CEP44: variants seen among roughly 807,000 people sequenced by gnomAD.
The protein encoded by CEP44 is centrosomal protein of 44 kDa.
A neutral mutation model predicts 46.7 loss-of-function variants in CEP44; 45 were observed. The observed-to-expected ratio is 0.96, with a 90% CI of 0.76 to 1.24. The LOEUF (loss-of-function observed/expected upper bound fraction) is 1.24, where lower values mean the gene tolerates loss of function less well. Ranked by LOEUF, CEP44 falls within the 50% of genes most tolerant of loss-of-function variation. The pLI, the probability that CEP44 is intolerant of heterozygous loss-of-function variation, is 0.00. For missense variants in CEP44, 475 were observed against 459.7 expected, an observed-to-expected ratio of 1.03 and a Z score of -0.30; for synonymous variants, 142 against 146.0, an observed-to-expected ratio of 0.97 and a Z score of 0.20.
intron 11 of CEP44, 46 bp from the exon 12 acceptor site, chr4:174,317,289 A>AT (rs767006028): frequency 7.7e-6 from 6 of 775,464 alleles, no homozygotes; most frequent in Admixed American, 3.2e-5. Flanking sequence ...GCTATGCTTT[A>AT]TTATGAATTA....
chr4:174,325,906 A>G lies in CEP44; in HGVS notation c.1087-5576A>G, dbSNP rs1742631835. On this transcript the variant is annotated intron_variant, in intron 8 of 8. Transcript: ENST00000426172. This position sits in a 1 kb window ranked among gnomAD's most constrained non-coding sequence, Gnocchi z 4.4. ...CAGCTATTCCAGATTTCTCTTAGGA[A>G]GTGTTACTACAGTATTTATTTCCCA... is the stretch of plus-strand genomic sequence containing the variant. 6.6e-6 allele frequency among the ~76,000 whole-genome samples: 1 copy of G among 152,140 alleles called. No individual in the cohort carries two copies. Among genetic ancestry groups the G allele is most frequent in the Non-Finnish European group, 1.5e-5 (1 of 68,012 alleles).
intron 11 of CEP44, among the ~76,000 whole-genome samples, chr4:174,317,096 TTATAA>T (rs1351795684): frequency 6.6e-6 from 1 of 151,960 alleles, no homozygotes; most frequent in Non-Finnish European, 1.5e-5. Flanking sequence ...CTATAGAAAA[TTATAA>T]TATTATTTAG....
intron 10 of CEP44, 35 bp from the exon 11 acceptor site, chr4:174,316,495 G>T (rs1741733529): frequency 6.5e-7 from 1 of 1,542,414 alleles, no homozygotes; most frequent in East Asian, 2.3e-5. Flanking sequence ...TTTACTTTGA[G>T]AAATCATCTA....
At chr4:174,307,312 C>T (rs574286027) in intron 6 of CEP44, among the ~76,000 whole-genome samples, 2 of 152,034 alleles carry the variant, frequency 1.3e-5, no homozygotes, top group Admixed American at 6.6e-5. Context: ...AGACCACACA[C>T]CTGCAACTAT....
At chr4:174,304,196 A>G (rs1740098359) in intron 5 of CEP44, 51 bp from the exon 6 acceptor site, 1 of 1,539,706 alleles carries the variant, frequency 6.5e-7, no homozygotes, top group Non-Finnish European at 8.7e-7. Flanking sequence ...TTAATATATA[A>G]TTATGCTTTC....
In CEP44 at chr4:174,312,465, T is replaced by C. The variant is rs1741195732; in HGVS notation, c.961+1607T>C. On this transcript the variant is annotated intron_variant, in intron 9 of 11. Coordinates refer to ENST00000503780, the MANE Select transcript of CEP44 (RefSeq NM_001040157.3). The surrounding 1 kb of genome is among the most constrained non-coding windows in gnomAD (Gnocchi z 4.5). ...GCCACCACACCTGGATAATTTTTTA[T>C]TTATTTACATACTGTTTTTAGTAAA... is the stretch of plus-strand genomic sequence containing the variant. Among the ~76,000 whole-genome samples, 1 of 151,952 alleles carries C rather than the reference T, an allele frequency of 6.6e-6. No homozygotes were observed.
chr4:174,289,311 T>TA (rs1468559049), intron 1 of CEP44, among the ~76,000 whole-genome samples: 2 of 144,150 alleles, frequency 1.4e-5, no homozygotes, highest in Non-Finnish European at 3.0e-5. Flanking sequence ...TTTTTTTTTT[T>TA]AGATATGTTT....
intron 4 of CEP44, 129 bp from the exon 5 acceptor site, chr4:174,303,574 T>C: frequency 1.9e-6 from 1 of 524,052 alleles, no homozygotes; most frequent in South Asian, 3.5e-5. Context: ...TAGTACTCTT[T>C]AGTTAATGGC....
chr4:174,294,988 C>G (rs1012601582), intron 1 of CEP44, among the ~76,000 whole-genome samples: 2 of 138,838 alleles, frequency 1.4e-5, no homozygotes, highest in Non-Finnish European at 3.1e-5. Flanking sequence ...GGGCTGACCC[C>G]CCCACCTCCC....
At chr4:174,303,872 A>G in intron 5 of CEP44, 23 bp downstream of exon 5, 1 of 1,431,202 alleles carries the variant, frequency 7.0e-7, no homozygotes, top group South Asian at 1.4e-5. Flanking sequence ...ATAGATATTA[A>G]TGCTGATGTA....
Position 174,287,561 on chromosome 4 carries a change from T to G in CEP44, c.-148+3618T>G, listed in dbSNP as rs1432823612. On this transcript the variant is annotated intron_variant, in intron 1 of 11. Coordinates refer to ENST00000503780, the MANE Select transcript of CEP44 (RefSeq NM_001040157.3). The surrounding 1 kb of genome is among the most constrained non-coding windows in gnomAD (Gnocchi z 5.1). ...CAGGAACTTTATCCCAGATACCATT[T>G]CTGTTATTTGTTGCTTTCTATAATA... Among the ~76,000 whole-genome samples, 1 of 152,312 alleles carries G rather than the reference T, an allele frequency of 6.6e-6. No individual in the cohort carries two copies. Among genetic ancestry groups the G allele is most frequent in the East Asian group, 1.9e-4 (1 of 5,176 alleles).
chr4:174,320,904 G>A (rs1192129409), downstream of CEP44, among the ~76,000 whole-genome samples: 3 of 152,028 alleles, frequency 2.0e-5, no homozygotes, highest in Admixed American at 2.0e-4. Flanking sequence ...TACAGTAATC[G>A]AAGAAACATA....
chr4:174,293,962 G>A (rs576106809), intron 1 of CEP44, among the ~76,000 whole-genome samples: 1 of 151,616 alleles, frequency 6.6e-6, no homozygotes, highest in African/African-American at 2.4e-5. Context: ...TAATAAGTGT[G>A]TAGTGGTATT....
At chr4:174,296,422 C>G (rs963306160) in intron 1 of CEP44, among the ~76,000 whole-genome samples, 4 of 152,132 alleles carry the variant, frequency 2.6e-5, no homozygotes, top group Non-Finnish European at 5.9e-5. Flanking sequence ...GTTTGGTCCT[C>G]TAATTTTCTT....
Position 174,313,224 on chromosome 4 carries a change from G to A in CEP44, c.961+2366G>A, listed in dbSNP as rs537819087. Among the ~76,000 whole-genome samples, 203 of 152,234 alleles carry A rather than the reference G, an allele frequency of 1.3e-3. 1 individual carries two copies. Among genetic ancestry groups the A allele is most frequent in the African/African-American group, 4.6e-3 (192 of 41,534 alleles). ...TGTGTTGTTTCATTATGCTAATGAA[G>A]TGACCTCATGTGATGTTCTTTTTCA... On this transcript the variant is annotated intron_variant, in intron 9 of 11. Transcript: ENST00000503780.
Position 174,302,269 on chromosome 4 carries a change from T to C in CEP44, c.237+83T>C, listed in dbSNP as rs1287452955. On this transcript the variant is annotated intron_variant, in intron 4 of 11. Coordinates refer to ENST00000503780, the MANE Select transcript of CEP44 (RefSeq NM_001040157.3). ...TGATTTAGTCATAACTTCTTAAATA[T>C]ATGCAGCATATACAATTGACAGGAT... 7 of 803,386 alleles carry C rather than the reference T, an allele frequency of 8.7e-6. No homozygotes were observed. The Admixed American group carries it at 1.7e-4, about 19-fold the overall frequency. 49.8% of individuals were successfully genotyped at this position (803,386 alleles called of 1,614,324 possible). A position where few individuals can be genotyped will look rare whatever the true frequency, so the allele number is the denominator to read the frequency against.
intron 5 of CEP44, 136 bp downstream of exon 5, chr4:174,303,985 C>A: frequency 2.8e-6 from 2 of 719,382 alleles, no homozygotes; most frequent in East Asian, 2.9e-5. Flanking sequence ...ATTTGAGTAA[C>A]CTTATAAAGC....
At chr4:174,333,093 T>C (rs1731390041) in exon 9 of CEP44, 1 of 152,044 alleles carries the variant, frequency 6.6e-6, no homozygotes, top group Non-Finnish European at 1.5e-5. Flanking sequence ...AAATCACTTT[T>C]AGTGGGCATT....
At chr4:174,291,487 G>A (rs1738190729) in intron 1 of CEP44, among the ~76,000 whole-genome samples, 2 of 152,066 alleles carry the variant, frequency 1.3e-5, no homozygotes, top group South Asian at 4.2e-4. Context: ...ACAAATTTCT[G>A]TGGTTGTTGT....
Sources: allele counts gnomAD v4.1 joint callset (sites outside exome capture counted in the v4.1 genomes callset), GRCh38; gene constraint gnomAD v4.1.1; non-coding constraint Gnocchi (gnomAD v3.1); transcripts MANE v1.5; gene names NCBI Gene and HGNC (gene_info 2026-07-23, HGNC 2026-07-21).